The following LMOD1 variants were observed in gnomAD, a reference collection of about 807,000 sequenced individuals.
The protein encoded by LMOD1 is leiomodin 1, also known as leiomodin-1.
LMOD1 carries 8 observed loss-of-function variants against 36.5 expected under a neutral mutation model. The observed-to-expected ratio is 0.22, with a 90% confidence interval of 0.13 to 0.40. The LOEUF (loss-of-function observed/expected upper bound fraction) is 0.40, where lower values mean the gene tolerates loss of function less well. Ranked by LOEUF, LMOD1 falls within the 10% of genes least tolerant of loss-of-function variation. The pLI is 1.00. For synonymous variants in LMOD1, 284 were observed against 288.7 expected (o/e 0.98, Z 0.17); for missense variants, 630 against 751.1 (o/e 0.84, Z 1.88).
intron 1 of LMOD1, among the ~76,000 whole-genome samples, chr1:201,930,086 A>T (rs369101514): frequency 6.6e-6 from 1 of 152,194 alleles, no homozygotes; most frequent in Non-Finnish European, 1.5e-5. Flanking sequence ...TGGAGAACCA[A>T]TGGTCAAGTA....
At position 201,903,610 on chromosome 1, in the gene LMOD1, A is replaced by G. The variant is rs974921794; in HGVS notation, c.262-2859T>C. 4.1e-4 allele frequency among the ~76,000 whole-genome samples: 62 copies of G among 152,234 alleles called. 1 individual carries two copies. Among genetic ancestry groups the G allele is most frequent in the Admixed American group, 4.0e-3 (61 of 15,280 alleles). On this transcript the variant is annotated intron_variant, in intron 1 of 2. Coordinates refer to ENST00000367288, the MANE Select transcript of LMOD1 (RefSeq NM_012134.3). ...CCTTTTAGGATCTGCCCATAGTTTG[A>G]CCAGGAAATTCCCTCTCCTATTCCC...
At chr1:201,902,081 G>A (rs942294834) in intron 1 of LMOD1, among the ~76,000 whole-genome samples, 3 of 151,546 alleles carry the variant, frequency 2.0e-5, no homozygotes, top group Admixed American at 1.3e-4. Flanking sequence ...ACAGGTGTGA[G>A]CTGCCATGCC....
chr1:201,905,920 T>G (rs1681403191), intron 1 of LMOD1, among the ~76,000 whole-genome samples: 1 of 152,170 alleles, frequency 6.6e-6, no homozygotes, highest in Admixed American at 6.5e-5. Flanking sequence ...TCAGAAGTAT[T>G]TGTTCCTTTC....
At chr1:201,940,528 G>A (rs1431788283) in intron 1 of LMOD1, among the ~76,000 whole-genome samples, 1 of 151,314 alleles carries the variant, frequency 6.6e-6, no homozygotes, top group Admixed American at 6.6e-5. Flanking sequence ...GAGAAGGCAG[G>A]CACCCAGAGG....
intron 1 of LMOD1, among the ~76,000 whole-genome samples, chr1:201,939,491 C>G (rs1191966920): frequency 1.3e-5 from 2 of 152,338 alleles, no homozygotes; most frequent in African/African-American, 4.8e-5. Context: ...CTGGACCTAT[C>G]TGATTCCAGA....
chr1:201,930,619 C>T (rs1169127660), intron 1 of LMOD1, among the ~76,000 whole-genome samples: 1 of 151,992 alleles, frequency 6.6e-6, no homozygotes, highest in Non-Finnish European at 1.5e-5. Context: ...TTGAGGTGTC[C>T]AAGAGACAAC....
At chr1:201,898,532 G>A in intron 2 of LMOD1, 134 bp from the exon 3 acceptor site, 1 of 693,232 alleles carries the variant, frequency 1.4e-6, no homozygotes, top group Non-Finnish European at 2.3e-6. Context: ...CACTGAGGGA[G>A]CATTTTTCAT....
intron 2 of LMOD1, among the ~76,000 whole-genome samples, 159 bp from the exon 3 acceptor site, chr1:201,898,557 G>A (rs1286606602): frequency 6.6e-6 from 1 of 152,210 alleles, no homozygotes; most frequent in Non-Finnish European, 1.5e-5. Context: ...TGTAAAAATT[G>A]GATGTCATTG....
intron 1 of LMOD1, among the ~76,000 whole-genome samples, chr1:201,924,721 G>GA (rs1553297963): frequency 4.9e-4 from 56 of 114,344 alleles, no homozygotes; most frequent in African/African-American, 1.6e-3. Context: ...AAGAAAGAAA[G>GA]AAAGAAAGAA....
At chr1:201,909,573 C>A (rs1431616278) in intron 1 of LMOD1, among the ~76,000 whole-genome samples, 2 of 151,584 alleles carry the variant, frequency 1.3e-5, no homozygotes, top group African/African-American at 2.4e-5. Flanking sequence ...AGGGCATGGT[C>A]CCCATCCCTG....
chr1:201,931,065 C>A (rs551222782), intron 1 of LMOD1, among the ~76,000 whole-genome samples: 1 of 151,570 alleles, frequency 6.6e-6, no homozygotes, highest in Non-Finnish European at 1.5e-5. Context: ...TTAGCTAAGA[C>A]GGAAAGGAGA....
At chr1:201,943,568 G>A (rs948007142) in intron 1 of LMOD1, among the ~76,000 whole-genome samples, 5 of 152,300 alleles carry the variant, frequency 3.3e-5, no homozygotes, top group Middle Eastern at 3.4e-3. Context: ...TTGTTTACTC[G>A]GGCCACTCAT....
At chr1:201,937,836 C>G (rs967720291) in intron 1 of LMOD1, among the ~76,000 whole-genome samples, 1 of 152,210 alleles carries the variant, frequency 6.6e-6, no homozygotes, top group African/African-American at 2.4e-5. Context: ...GTTCACTACT[C>G]TATCCTGGCA....
At position 201,923,899 on chromosome 1, in the gene LMOD1, GA is replaced by G. The variant is rs201662946; in HGVS notation, c.261+22180del. On this transcript the variant is annotated intron_variant, in intron 1 of 2. Transcript: ENST00000367288. ...AAGAAGAAAAAGAGAGAGAGAGAGAGAGAGGGAGGGAGAGAGAGAGAGAGAG... is the reference window on the plus strand; with the variant it reads ...AAGAAGAAAAAGAGAGAGAGAGAGAGGAGGGAGGGAGAGAGAGAGAGAGAG... Among the ~76,000 whole-genome samples the G allele has an allele frequency of 5.8e-5, 8 of 137,542 alleles. No homozygotes were observed. In the East Asian group the frequency reaches 8.5e-4, roughly 15 times the overall value. 90.2% of individuals were successfully genotyped at this position (137,542 alleles called of 152,430 possible).
At chr1:201,904,257 C>CT (rs1324218937) in intron 1 of LMOD1, among the ~76,000 whole-genome samples, 2 of 152,192 alleles carry the variant, frequency 1.3e-5, no homozygotes, top group East Asian at 3.8e-4. Context: ...GTTGCCCAGG[C>CT]TGGAGTGCAA....
chr1:201,921,514 A>T (rs1681703828), intron 1 of LMOD1, among the ~76,000 whole-genome samples: 1 of 126,642 alleles, frequency 7.9e-6, no homozygotes, highest in Non-Finnish European at 1.7e-5. Context: ...AAAAAAAAAG[A>T]TCTGGGGCTC....
intron 1 of LMOD1, among the ~76,000 whole-genome samples, chr1:201,901,871 G>A (rs1348560072): frequency 1.4e-5 from 2 of 147,118 alleles, no homozygotes; most frequent in African/African-American, 5.0e-5. Context: ...CATTTCCAAA[G>A]GAAAAAAAGG....
rs545021728 is a variant in LMOD1, at chr1:201,900,127, G to C, written c.886C>G (p.Pro296Ala). The C allele has an allele frequency of 1.2e-6, 2 of 1,613,914 alleles. No individual in the cohort carries two copies. Among genetic ancestry groups the C allele is most frequent in the South Asian group, 2.2e-5 (2 of 91,072 alleles). Residue 296 changes from proline (P) to alanine (A), a missense_variant, in exon 2 of 3, where the codon CCC becomes GCC. This residue lies in a region of LMOD1 where 405 missense variants were observed against 400.6 expected (regional missense o/e 1.01). Transcript: ENST00000367288. ...SKTKTPEKQT[P>A]SGPTKPSEGP... ...TCAGAGGGCTTGGTGGGGCCACTGG[G>C]CGTCTGTTTCTCGGGTGTTTTGGTC...
intron 1 of LMOD1, among the ~76,000 whole-genome samples, chr1:201,918,436 T>G (rs754350703): frequency 6.6e-5 from 10 of 152,218 alleles, no homozygotes; most frequent in African/African-American, 2.2e-4. Flanking sequence ...AAGTGCAGAC[T>G]TTGTAGCATG....
Sources: gnomAD v4.1 joint callset for allele counts (sites outside exome capture counted in the v4.1 genomes callset) on GRCh38, gnomAD v4.1.1 for gene constraint, gnomAD v4.1.1 regional missense constraint, MANE v1.5 for transcripts, NCBI Gene and HGNC (gene_info 2026-07-23, HGNC 2026-07-21) for gene names.